Variants in LRRTM4 observed in about 807,000 individuals in gnomAD.
LRRTM4 encodes the protein leucine rich repeat transmembrane neuronal 4.
A neutral mutation model predicts 47.6 loss-of-function variants in LRRTM4; 25 were observed. The ratio of observed to expected loss-of-function variants is 0.53; its 90% CI spans 0.38 to 0.73. LRRTM4 has a LOEUF of 0.73. Among genes scored for constraint, LRRTM4 ranks in the 30% least tolerant of loss-of-function variants. The probability of loss-of-function intolerance (pLI) is 0.00; values close to 1 mark genes in which losing one functional copy is unlikely to be tolerated. For missense variants in LRRTM4, 638 were observed against 713.4 expected (o/e 0.89, Z 1.20); for synonymous variants, 311 against 269.5 (o/e 1.15, Z -1.51).
chr2:77,507,814 T>TTA (rs1327886007), intron 3 of LRRTM4, among the ~76,000 whole-genome samples: 13 of 152,152 alleles, frequency 8.5e-5, no homozygotes, highest in Non-Finnish European at 1.8e-4. Flanking sequence ...CAGAGTGGCA[T>TTA]AGACCTGGTG....
At chr2:77,298,123 GA>G (rs1677023160) in intron 3 of LRRTM4, among the ~76,000 whole-genome samples, 2 of 152,272 alleles carry the variant, frequency 1.3e-5, no homozygotes, top group South Asian at 4.2e-4. Context: ...CAGTCAGTAG[GA>G]ATAGTATCCC....
At chr2:76,803,246 A>G (rs1274652033) in intron 3 of LRRTM4, among the ~76,000 whole-genome samples, 1 of 152,148 alleles carries the variant, frequency 6.6e-6, no homozygotes. Flanking sequence ...AAACCACTCA[A>G]TAGCAAAAAA....
intron 3 of LRRTM4, among the ~76,000 whole-genome samples, chr2:76,932,720 T>G (rs1185415492): frequency 6.6e-6 from 1 of 152,110 alleles, no homozygotes; most frequent in East Asian, 1.9e-4. Context: ...GTTCATATAT[T>G]CATAGACACA....
At chr2:76,797,099 C>A (rs1675376599) in intron 3 of LRRTM4, among the ~76,000 whole-genome samples, 1 of 151,970 alleles carries the variant, frequency 6.6e-6, no homozygotes, top group South Asian at 2.1e-4. Context: ...CGTTCAGATT[C>A]AGGAAATACA....
intron 3 of LRRTM4, among the ~76,000 whole-genome samples, chr2:77,454,145 AT>A (rs1234973609): frequency 2.0e-5 from 3 of 152,218 alleles, no homozygotes; most frequent in Non-Finnish European, 4.4e-5. Flanking sequence ...TTGGTCAATT[AT>A]TCTATAATGT....
intron 3 of LRRTM4, among the ~76,000 whole-genome samples, chr2:77,183,177 T>C (rs1433438639): frequency 6.6e-6 from 1 of 152,082 alleles, no homozygotes; most frequent in African/African-American, 2.4e-5. Flanking sequence ...ATTTTTGCAA[T>C]CTACTCATCT....
At chr2:77,094,894 C>G (rs1373422394) in intron 3 of LRRTM4, among the ~76,000 whole-genome samples, 1 of 151,884 alleles carries the variant, frequency 6.6e-6, no homozygotes, top group Non-Finnish European at 1.5e-5. Context: ...AAATGTGACC[C>G]CAAAAGCACA....
At chr2:77,196,565 G>A (rs927024149) in intron 3 of LRRTM4, among the ~76,000 whole-genome samples, 2 of 152,038 alleles carry the variant, frequency 1.3e-5, no homozygotes, top group Non-Finnish European at 2.9e-5. Flanking sequence ...CCAATATGGC[G>A]AAACCTCACC....
At chr2:77,440,432 C>G (rs1675796397) in intron 3 of LRRTM4, among the ~76,000 whole-genome samples, 2 of 152,110 alleles carry the variant, frequency 1.3e-5, no homozygotes, top group African/African-American at 4.8e-5. Flanking sequence ...AAAAAAAACT[C>G]TGTGTGAGAG....
intron 3 of LRRTM4, among the ~76,000 whole-genome samples, chr2:77,028,518 G>A (rs930942480): frequency 7.9e-5 from 12 of 152,196 alleles, no homozygotes; most frequent in African/African-American, 2.6e-4. Flanking sequence ...TATGTGGGAT[G>A]AGATTGGAAG....
chr2:77,368,285 G>A (rs1672531725), intron 3 of LRRTM4, among the ~76,000 whole-genome samples: 1 of 151,666 alleles, frequency 6.6e-6, no homozygotes, highest in African/African-American at 2.4e-5. Flanking sequence ...CTACATTGTG[G>A]TTTGGAGAGG....
At chr2:77,430,396 G>A (rs1675317904) in intron 3 of LRRTM4, among the ~76,000 whole-genome samples, 1 of 152,126 alleles carries the variant, frequency 6.6e-6, no homozygotes, top group Non-Finnish European at 1.5e-5. Flanking sequence ...AGACATTTTA[G>A]GTGGCATGTG....
intron 3 of LRRTM4, among the ~76,000 whole-genome samples, chr2:77,335,800 T>A (rs1671141101): frequency 6.6e-6 from 1 of 152,130 alleles, no homozygotes; most frequent in East Asian, 1.9e-4. Flanking sequence ...TTTGCCCAAA[T>A]TAGGCTCATT....
intron 3 of LRRTM4, among the ~76,000 whole-genome samples, chr2:76,940,497 G>A (rs963424675): frequency 6.6e-6 from 1 of 152,156 alleles, no homozygotes. Flanking sequence ...AGGGTGGAGG[G>A]TGAGAAGAGG....
At chr2:77,478,584 G>C (rs986934409) in intron 3 of LRRTM4, among the ~76,000 whole-genome samples, 1 of 152,136 alleles carries the variant, frequency 6.6e-6, no homozygotes, top group Admixed American at 6.5e-5. Flanking sequence ...CTTTCCACAA[G>C]CTCCTGTTGG....
rs567803393 is a variant in LRRTM4 at position 76,777,154 on chromosome 2, T to C, written c.1552-28238A>G. 2.8e-3 allele frequency among the ~76,000 whole-genome samples: 420 copies of C among 150,640 alleles called. 24 individuals are homozygous for C. The highest frequency in any genetic ancestry group is 9.3e-3 in the African/African-American group (383 of 41,022). On this transcript the variant is annotated intron_variant, in intron 3 of 3. Transcript: ENST00000409884. ...GGTACCAGTACCATGCTGTTTTGGT[T>C]ACTGTAGCCTTGCAGTATAGTTTGA...
chr2:77,185,915 C>T (rs981468036), intron 3 of LRRTM4, among the ~76,000 whole-genome samples: 14 of 152,178 alleles, frequency 9.2e-5, no homozygotes, highest in African/African-American at 1.9e-4. Flanking sequence ...ACTCGCCTTA[C>T]GTGTTTAACA....
At chr2:76,800,349 G>A (rs879915821) in intron 3 of LRRTM4, among the ~76,000 whole-genome samples, 15,588 of 140,208 alleles carry the variant, frequency 0.11, 953 homozygotes, top group Non-Finnish European at 0.14. Flanking sequence ...ACAAGCAATG[G>A]GGAAAGGATT....
intron 3 of LRRTM4, among the ~76,000 whole-genome samples, chr2:77,235,631 G>A (rs1675085242): frequency 6.6e-6 from 1 of 152,098 alleles, no homozygotes; most frequent in South Asian, 2.1e-4. Flanking sequence ...TTTGTTCTGG[G>A]ATTCTCATAG....
Sources: allele counts gnomAD v4.1 joint callset (sites outside exome capture counted in the v4.1 genomes callset), GRCh38; gene constraint gnomAD v4.1.1; transcripts MANE v1.5; gene names NCBI Gene and HGNC (gene_info 2026-07-23, HGNC 2026-07-21).